Variants in GARIN1B observed in about 807,000 individuals in gnomAD.
GARIN1B encodes the protein golgi associated RAB2 interactor 1B, also known as Golgi-associated RAB2 interactor protein 1B.
chr7:128,726,955 G>C, the GARIN1B span: 5 of 1,248,864 alleles, frequency 4.0e-6, no homozygotes, highest in African/African-American at 6.0e-5. Context: ...CCCCATCCTG[G>C]TTGTCCTGGT....
At chr7:128,716,653 G>T in the GARIN1B span, among the ~76,000 whole-genome samples, 1 of 152,176 alleles carries the variant, frequency 6.6e-6, no homozygotes, top group Non-Finnish European at 1.5e-5. Flanking sequence ...AGAGGTCAAG[G>T]ATGCTACTAA....
the GARIN1B span, among the ~76,000 whole-genome samples, chr7:128,728,306 ATGG>A: frequency 1.3e-5 from 2 of 151,964 alleles, no homozygotes; most frequent in African/African-American, 4.8e-5. Context: ...GCTGGGCATG[ATGG>A]TGCGTACCTG....
At chr7:128,726,769 T>C in the GARIN1B span, 40 of 1,587,628 alleles carry the variant, frequency 2.5e-5, no homozygotes, top group Admixed American at 5.0e-5. Context: ...GAAATACAAA[T>C]TTAATGTTCT....
chr7:128,718,312 A>G, the GARIN1B span, among the ~76,000 whole-genome samples: 178 of 152,158 alleles, frequency 1.2e-3, no homozygotes, highest in African/African-American at 4.2e-3. Context: ...CATGCCTGTA[A>G]TCCCAGCTAC....
At chr7:128,726,723 C>T in the GARIN1B span, 1 of 1,236,674 alleles carries the variant, frequency 8.1e-7, no homozygotes, top group Non-Finnish European at 1.2e-6. Context: ...ATATCTGTCT[C>T]TAAAGCTTTG....
At chr7:128,709,763 T>TA in the GARIN1B span, among the ~76,000 whole-genome samples, 2 of 145,862 alleles carry the variant, frequency 1.4e-5, no homozygotes, top group African/African-American at 2.5e-5. Flanking sequence ...TTTTTTTTTT[T>TA]TTTTTTTAGA....
chr7:128,721,787 T>C, the GARIN1B span, among the ~76,000 whole-genome samples: 518 of 152,324 alleles, frequency 3.4e-3, 4 homozygotes, highest in African/African-American at 0.012. Context: ...TGAAAGAGTT[T>C]TCTTTCTTTT....
At chr7:128,727,572 C>T in the GARIN1B span, among the ~76,000 whole-genome samples, 2 of 152,320 alleles carry the variant, frequency 1.3e-5, no homozygotes, top group East Asian at 3.9e-4. Flanking sequence ...TAGTTCACCC[C>T]AAATCCACTC....
the GARIN1B span, among the ~76,000 whole-genome samples, chr7:128,720,286 C>T: frequency 0.019 from 2,919 of 151,424 alleles, 46 homozygotes; most frequent in South Asian, 0.053. Context: ...GCAACCTCCA[C>T]CTCCTGGGTT....
the GARIN1B span, among the ~76,000 whole-genome samples, chr7:128,721,357 G>A: frequency 6.6e-6 from 1 of 152,170 alleles, no homozygotes; most frequent in African/African-American, 2.4e-5. Context: ...TATTGTTGTT[G>A]ATGCTGTTGT....
At chr7:128,721,235 G>T in the GARIN1B span, among the ~76,000 whole-genome samples, 1 of 152,114 alleles carries the variant, frequency 6.6e-6, no homozygotes, top group East Asian at 1.9e-4. Context: ...CAGTTCTCCT[G>T]CCTCAGCCTC....
chr7:128,729,970 T>C, the GARIN1B span: 1 of 1,614,142 alleles, frequency 6.2e-7, no homozygotes, highest in Non-Finnish European at 8.5e-7. Context: ...TTCATTCACG[T>C]ACGGAGAGTG....
At chr7:128,719,883 A>C in the GARIN1B span, among the ~76,000 whole-genome samples, 1 of 151,360 alleles carries the variant, frequency 6.6e-6, no homozygotes, top group Non-Finnish European at 1.5e-5. Context: ...TATTTTTAGT[A>C]GAGATGGGGT....
the GARIN1B span, among the ~76,000 whole-genome samples, chr7:128,728,673 G>A: frequency 6.6e-6 from 1 of 152,184 alleles, no homozygotes; most frequent in African/African-American, 2.4e-5. Flanking sequence ...GATTTTTCAA[G>A]AGAAGCCAAA....
the GARIN1B span, chr7:128,724,629 T>C: frequency 1.0e-6 from 1 of 968,270 alleles, no homozygotes; most frequent in Non-Finnish European, 1.4e-6. Context: ...CACAGAATAT[T>C]CAGTCCCAGA....
chr7:128,728,332 C>T, the GARIN1B span, among the ~76,000 whole-genome samples: 1 of 152,020 alleles, frequency 6.6e-6, no homozygotes, highest in Admixed American at 6.5e-5. Context: ...GTCCCAGCTA[C>T]TCGGGAGGCT....
chr7:128,723,714 A>G, the GARIN1B span, among the ~76,000 whole-genome samples: 98,289 of 151,784 alleles, frequency 0.65, 32,379 homozygotes, highest in East Asian at 0.77. Flanking sequence ...GTTTCACCAT[A>G]TTGGCCAGGC....
the GARIN1B span, among the ~76,000 whole-genome samples, chr7:128,710,345 TG>T: frequency 6.6e-6 from 1 of 152,262 alleles, no homozygotes; most frequent in Non-Finnish European, 1.5e-5. Context: ...TCTGTTCTTT[TG>T]CTAAATCAGG....
chr7:128,722,579 G>A, the GARIN1B span, among the ~76,000 whole-genome samples: 3 of 152,258 alleles, frequency 2.0e-5, no homozygotes, highest in East Asian at 3.9e-4. Flanking sequence ...GCCAAGGTGG[G>A]CAGATCACGA....
Sources: gnomAD v4.1 joint callset for allele counts (sites outside exome capture counted in the v4.1 genomes callset) on GRCh38, gnomAD v4.1.1 for gene constraint, MANE v1.5 for transcripts, NCBI Gene and HGNC (gene_info 2026-07-23, HGNC 2026-07-21) for gene names.